Variants in MAGI1 observed in about 807,000 individuals in gnomAD.
The protein encoded by MAGI1 is membrane associated guanylate kinase, WW and PDZ domain containing 1, also known as membrane-associated guanylate kinase, WW and PDZ domain-containing protein 1.
MAGI1 carries 58 observed loss-of-function variants against 139.9 expected under a neutral mutation model. That is an observed-to-expected ratio of 0.41 (90% confidence interval 0.34 to 0.52). The LOEUF is 0.52. Ranked by LOEUF, MAGI1 falls within the 20% of genes least tolerant of loss-of-function variation. MAGI1 has a pLI of 0.12. For missense variants in MAGI1, 1,874 were observed against 1,901.6 expected (o/e 0.99, Z 0.27); for synonymous variants, 812 against 737.9 (o/e 1.10, Z -1.63).
At chr3:65,439,358 G>T (rs7637237) in intron 9 of MAGI1, among the ~76,000 whole-genome samples, 2,026 of 152,002 alleles carry the variant, frequency 0.013, 41 homozygotes, top group African/African-American at 0.047. Flanking sequence ...TCTGAGAATG[G>T]GAAGGGGGCA....
chr3:65,682,742 A>C (rs2087683370), intron 1 of MAGI1, among the ~76,000 whole-genome samples: 1 of 152,122 alleles, frequency 6.6e-6, no homozygotes, highest in South Asian at 2.1e-4. Context: ...AATTGAATCT[A>C]ATCAAAATTT....
At chr3:65,542,802 A>G (rs555772865) in intron 2 of MAGI1, among the ~76,000 whole-genome samples, 6 of 152,332 alleles carry the variant, frequency 3.9e-5, no homozygotes, top group African/African-American at 1.4e-4. Flanking sequence ...AAAACCATAG[A>G]AGAAAACCTA....
intron 13 of MAGI1, among the ~76,000 whole-genome samples, chr3:65,399,631 G>A (rs1327165484): frequency 6.6e-6 from 1 of 152,200 alleles, no homozygotes; most frequent in Non-Finnish European, 1.5e-5. Flanking sequence ...GGGTAAAGCA[G>A]TTGAGAGCTT....
intron 2 of MAGI1, among the ~76,000 whole-genome samples, chr3:65,618,989 C>T (rs1229812128): frequency 2.0e-5 from 3 of 152,124 alleles, no homozygotes; most frequent in South Asian, 4.1e-4. Flanking sequence ...TTTCAACTAA[C>T]ATGCCCTTTC....
intron 2 of MAGI1, among the ~76,000 whole-genome samples, chr3:65,570,983 A>AT (rs1188016186): frequency 6.6e-6 from 1 of 152,110 alleles, no homozygotes; most frequent in Non-Finnish European, 1.5e-5. Flanking sequence ...GGAGGCTTAC[A>AT]TTTTTTTGGA....
intron 1 of MAGI1, among the ~76,000 whole-genome samples, chr3:66,036,472 T>G (rs561434690): frequency 6.6e-6 from 1 of 152,034 alleles, no homozygotes; most frequent in Non-Finnish European, 1.5e-5. Context: ...AGCCACAAAG[T>G]AGACATTAAA....
rs1560032039 is a variant in MAGI1 at position 65,936,914 on chromosome 3, GTTGT to G, written c.313+101078_313+101081del. Among the ~76,000 whole-genome samples the G allele has an allele frequency of 3.3e-5, 5 of 150,058 alleles. 1 individual carries two copies. Among genetic ancestry groups the G allele is most frequent in the Admixed American group, 6.6e-5 (1 of 15,098 alleles). On this transcript the variant is annotated intron_variant, in intron 1 of 22. Transcript: ENST00000402939. ...GCTCAGGTTCAAAGTTGTTGTTGTT[GTTGT>G]TGGTGGTGGTGGTGGTGATGGTGGT...
At chr3:65,616,599 G>C (rs979329833) in intron 2 of MAGI1, among the ~76,000 whole-genome samples, 1 of 152,192 alleles carries the variant, frequency 6.6e-6, no homozygotes, top group Non-Finnish European at 1.5e-5. Flanking sequence ...GCTAGGCTTT[G>C]TAAAGGCTAA....
At chr3:65,958,175 TA>T (rs1321178912) in intron 1 of MAGI1, among the ~76,000 whole-genome samples, 4 of 151,816 alleles carry the variant, frequency 2.6e-5, no homozygotes, top group African/African-American at 9.7e-5. Flanking sequence ...TCCTCCCTCT[TA>T]AAACAAAAAA....
chr3:65,472,350 T>C (rs982605714), intron 4 of MAGI1, among the ~76,000 whole-genome samples: 2 of 152,134 alleles, frequency 1.3e-5, no homozygotes, highest in African/African-American at 4.8e-5. Flanking sequence ...AAAATGCATA[T>C]TTCTGGCTCT....
At chr3:65,589,406 T>C (rs1405155333) in intron 2 of MAGI1, among the ~76,000 whole-genome samples, 2 of 152,148 alleles carry the variant, frequency 1.3e-5, no homozygotes, top group African/African-American at 4.8e-5. Context: ...GGACCATGCA[T>C]GTCATCTTGG....
At chr3:65,965,844 G>A (rs1576291538) in intron 1 of MAGI1, among the ~76,000 whole-genome samples, 1 of 152,162 alleles carries the variant, frequency 6.6e-6, no homozygotes, top group African/African-American at 2.4e-5. Context: ...TTAAGAGATG[G>A]GATTTCGCCA....
At chr3:65,568,562 G>GCTTCATATC (rs2080789971) in intron 2 of MAGI1, among the ~76,000 whole-genome samples, 1 of 152,196 alleles carries the variant, frequency 6.6e-6, no homozygotes, top group African/African-American at 2.4e-5. Flanking sequence ...TTCTATAGCA[G>GCTTCATATC]TGTACTGGAT....
At chr3:65,452,587 T>TC (rs1251877448) in intron 6 of MAGI1, 1 of 151,686 alleles carries the variant, frequency 6.6e-6, no homozygotes, top group African/African-American at 2.4e-5. Flanking sequence ...TTCAATTTTT[T>TC]TTTTTTTTCA....
At chr3:65,989,370 T>A (rs963911107) in intron 1 of MAGI1, among the ~76,000 whole-genome samples, 2 of 152,194 alleles carry the variant, frequency 1.3e-5, no homozygotes, top group Admixed American at 1.3e-4. Context: ...AATTTTGATT[T>A]AATCAGTGAA....
intron 1 of MAGI1, among the ~76,000 whole-genome samples, chr3:65,896,447 T>G (rs894424771): frequency 1.3e-5 from 2 of 152,166 alleles, no homozygotes; most frequent in Non-Finnish European, 2.9e-5. Flanking sequence ...GTGGAGCTTG[T>G]CCAAGAAAAC....
At chr3:65,894,655 C>A (rs1164599661) in intron 1 of MAGI1, among the ~76,000 whole-genome samples, 1 of 152,178 alleles carries the variant, frequency 6.6e-6, no homozygotes, top group Non-Finnish European at 1.5e-5. Flanking sequence ...AAAAGACTAG[C>A]AACCACCTAG....
At chr3:65,385,438 G>A (rs964849857) in intron 14 of MAGI1, among the ~76,000 whole-genome samples, 1 of 152,074 alleles carries the variant, frequency 6.6e-6, no homozygotes, top group Non-Finnish European at 1.5e-5. Context: ...ACTGGATTTG[G>A]GGCTGAAGGA....
At chr3:65,877,202 T>C (rs1345415906) in intron 1 of MAGI1, among the ~76,000 whole-genome samples, 1 of 152,218 alleles carries the variant, frequency 6.6e-6, no homozygotes, top group Non-Finnish European at 1.5e-5. Context: ...GGGATTTATA[T>C]AAACTGCTGT....
Sources: gnomAD v4.1 joint callset for allele counts (sites outside exome capture counted in the v4.1 genomes callset) on GRCh38, gnomAD v4.1.1 for gene constraint, MANE v1.5 for transcripts, NCBI Gene and HGNC (gene_info 2026-07-23, HGNC 2026-07-21) for gene names.